The following CHRNA7 variants were observed in gnomAD, a reference collection of about 807,000 sequenced individuals.
CHRNA7 encodes neuronal acetylcholine receptor subunit alpha-7.
CHRNA7 carries 17 observed loss-of-function variants against 48.0 expected under a neutral mutation model. The observed-to-expected ratio is 0.35, with a 90% CI of 0.24 to 0.53. The LOEUF (loss-of-function observed/expected upper bound fraction) is 0.53, where lower values mean the gene tolerates loss of function less well. CHRNA7 is among the 20% of genes least tolerant of loss of function. CHRNA7 has a pLI of 0.92. For synonymous variants in CHRNA7, 75 were observed against 242.3 expected (o/e 0.31, Z 6.41); for missense variants, 155 against 577.7 (o/e 0.27, Z 7.50).
intron 2 of CHRNA7, among the ~76,000 whole-genome samples, chr15:32,069,548 G>C (rs2050020931): frequency 6.6e-6 from 1 of 152,212 alleles, no homozygotes; most frequent in Admixed American, 6.5e-5. Flanking sequence ...TCAGGAGGCT[G>C]AGGCAGGAGG....
intron 2 of CHRNA7, among the ~76,000 whole-genome samples, chr15:32,049,656 A>C (rs1410756341): frequency 2.0e-5 from 3 of 152,144 alleles, no homozygotes; most frequent in Non-Finnish European, 4.4e-5. Flanking sequence ...ATTTGAAGTT[A>C]ATATTGTTAT....
At chr15:32,138,580 G>A (rs971153855) in intron 4 of CHRNA7, among the ~76,000 whole-genome samples, 6 of 151,906 alleles carry the variant, frequency 3.9e-5, no homozygotes, top group East Asian at 1.9e-4. Flanking sequence ...TCTTGGTGGC[G>A]TATGGGTTCT....
chr15:32,064,510 TGTGTG>T, intron 2 of CHRNA7, among the ~76,000 whole-genome samples: 1 of 151,926 alleles, frequency 6.6e-6, no homozygotes, highest in Non-Finnish European at 1.5e-5. Flanking sequence ...TGTATGTGTG[TGTGTG>T]GTGTGTGCAG....
At chr15:32,042,298 T>C (rs1359363512) in intron 2 of CHRNA7, among the ~76,000 whole-genome samples, 1 of 152,198 alleles carries the variant, frequency 6.6e-6, no homozygotes, top group Admixed American at 6.5e-5. Context: ...TGGAGTTCAG[T>C]ATTTCCCTTC....
intron 2 of CHRNA7, among the ~76,000 whole-genome samples, chr15:32,042,668 T>G (rs974034101): frequency 6.6e-6 from 1 of 152,326 alleles, no homozygotes; most frequent in Non-Finnish European, 1.5e-5. Context: ...TAGTCTCTGC[T>G]CTGGAAAGTC....
At chr15:32,049,557 G>T (rs1451413837) in intron 2 of CHRNA7, among the ~76,000 whole-genome samples, 2 of 152,104 alleles carry the variant, frequency 1.3e-5, no homozygotes, top group African/African-American at 4.8e-5. Context: ...CGTGAGATGG[G>T]TTTCCTGAAT....
At chr15:32,051,337 G>T (rs1450320031) in intron 2 of CHRNA7, among the ~76,000 whole-genome samples, 9 of 152,172 alleles carry the variant, frequency 5.9e-5, no homozygotes, top group East Asian at 3.9e-4. Flanking sequence ...GTTTACCTAA[G>T]CGAGCCTAGG....
At chr15:32,142,109 A>T (rs1281831731) in intron 4 of CHRNA7, among the ~76,000 whole-genome samples, 1 of 152,154 alleles carries the variant, frequency 6.6e-6, no homozygotes, top group Non-Finnish European at 1.5e-5. Context: ...TACCTAGTTT[A>T]TTGAGAGTTT....
intron 2 of CHRNA7, among the ~76,000 whole-genome samples, chr15:32,045,041 T>C (rs1272443563): frequency 6.6e-6 from 1 of 152,268 alleles, no homozygotes; most frequent in Non-Finnish European, 1.5e-5. Flanking sequence ...TATTGACTCC[T>C]TTTTAAAGTT....
chr15:32,110,970 C>G (rs762237855), intron 3 of CHRNA7, among the ~76,000 whole-genome samples: 1 of 152,122 alleles, frequency 6.6e-6, no homozygotes, highest in Admixed American at 6.5e-5. Context: ...CTTCTGGGCT[C>G]ATACTTGTCA....
At chr15:32,067,760 G>A (rs2049989713) in intron 2 of CHRNA7, among the ~76,000 whole-genome samples, 2 of 152,320 alleles carry the variant, frequency 1.3e-5, no homozygotes, top group Admixed American at 1.3e-4. Context: ...CACAGAGGAG[G>A]AGAAAGCAAA....
At chr15:32,147,735 A>G (rs1028085618) in intron 4 of CHRNA7, among the ~76,000 whole-genome samples, 5 of 152,160 alleles carry the variant, frequency 3.3e-5, no homozygotes, top group Admixed American at 1.3e-4. Flanking sequence ...TTTTTTGGTC[A>G]TGGACTATGA....
At chr15:32,106,210 CG>C (rs2050666801) in intron 3 of CHRNA7, among the ~76,000 whole-genome samples, 1 of 151,492 alleles carries the variant, frequency 6.6e-6, no homozygotes, top group South Asian at 2.1e-4. Context: ...AAATGTGGGC[CG>C]GGGGCAGAGA....
At chr15:32,124,280 G>T (rs532330434) in intron 4 of CHRNA7, among the ~76,000 whole-genome samples, 1 of 152,022 alleles carries the variant, frequency 6.6e-6, no homozygotes. Flanking sequence ...GACAAAATAC[G>T]TAAAAAGGGA....
rs141076193 is a variant in CHRNA7, at chr15:32,030,949, A to G, written c.107A>G (p.Asn36Ser). Residue 36 changes from asparagine (N) to serine (S), a missense_variant, in exon 2 of 10, where the codon AAC becomes AGC. Transcript: ENST00000306901. ...AAGCTTTACAAGGAGCTGGTCAAGA[A>G]CTACAATCCCTTGGAGAGGCCCGTG... ...QRKLYKELVKNYNPLERPVAN... is the reference protein window; with the variant it reads ...QRKLYKELVKSYNPLERPVAN... 4 of 1,614,058 alleles carry G rather than the reference A, an allele frequency of 2.5e-6. No individual in the cohort carries two copies. Among genetic ancestry groups the G allele is most frequent in the African/African-American group, 2.7e-5 (2 of 74,936 alleles).
In CHRNA7 at chr15:32,136,497, CAAAA is replaced by C. The variant is rs34839510; in HGVS notation, c.351-17396_351-17393del. ...TGAGTGACAGAGCAAGACTCCATCTCAAAAAAAAAAAAAAAAAGATGGAATTAAA... is the reference window on the plus strand; with the variant it reads ...TGAGTGACAGAGCAAGACTCCATCTCAAAAAAAAAAAAAGATGGAATTAAA... On this transcript the variant is annotated intron_variant, in intron 4 of 9. Transcript: ENST00000306901. Among the ~76,000 whole-genome samples, 26 of 110,356 alleles carry C rather than the reference CAAAA, an allele frequency of 2.4e-4. 1 individual carries two copies. Among genetic ancestry groups the C allele is most frequent in the African/African-American group, 7.3e-4 (24 of 32,964 alleles). 72.4% of individuals were successfully genotyped at this position (110,356 alleles called of 152,430 possible). A position where few individuals can be genotyped will look rare whatever the true frequency, so the allele number is the denominator to read the frequency against.
chr15:32,078,662 C>CAAAA (rs71113442), intron 2 of CHRNA7, among the ~76,000 whole-genome samples: 11 of 99,432 alleles, frequency 1.1e-4, no homozygotes, highest in East Asian at 2.6e-4. Context: ...GCCTACCAAC[C>CAAAA]AAAAAAAAAA....
chr15:32,105,609 G>A (rs908080181), intron 3 of CHRNA7, among the ~76,000 whole-genome samples: 4 of 152,222 alleles, frequency 2.6e-5, no homozygotes, highest in Non-Finnish European at 4.4e-5. Context: ...GATAGTAGAG[G>A]CCAGACGTGG....
In CHRNA7 at chr15:32,069,997, T is replaced by C. The variant is rs567168422; in HGVS notation, c.196-31306T>C. On this transcript the variant is annotated intron_variant, in intron 2 of 9. Transcript: ENST00000306901. ...CCCCCGCCCACTAGATTTATCTCAATTGATGAAGCATTTATTGTGGCTTCT... is the reference window on the plus strand; with the variant it reads ...CCCCCGCCCACTAGATTTATCTCAACTGATGAAGCATTTATTGTGGCTTCT... Among the ~76,000 whole-genome samples the C allele has an allele frequency of 2.6e-5, 4 of 152,336 alleles. No homozygotes were observed. In the South Asian group the frequency reaches 8.3e-4, roughly 32 times the overall value.
Sources: allele counts gnomAD v4.1 joint callset (sites outside exome capture counted in the v4.1 genomes callset), GRCh38; gene constraint gnomAD v4.1.1; transcripts MANE v1.5; gene names NCBI Gene and HGNC (gene_info 2026-07-23, HGNC 2026-07-21).